The following CNTNAP5 variants were observed in gnomAD, a reference collection of about 807,000 sequenced individuals.
The protein encoded by CNTNAP5 is contactin-associated protein-like 5.
CNTNAP5 carries 72 observed loss-of-function variants against 150.2 expected under a neutral mutation model. The ratio of observed to expected loss-of-function variants is 0.48; its 90% confidence interval spans 0.40 to 0.58. The LOEUF (loss-of-function observed/expected upper bound fraction) is 0.58. CNTNAP5 is among the 20% of genes least tolerant of loss of function. CNTNAP5 has a pLI of 0.00. For missense variants in CNTNAP5, 1,636 were observed against 1,626.2 expected, an observed-to-expected ratio of 1.01 and a Z score of -0.10; for synonymous variants, 672 against 619.8, an observed-to-expected ratio of 1.08 and a Z score of -1.25.
At chr2:124,752,494 A>G (rs1339587963) in intron 14 of CNTNAP5, among the ~76,000 whole-genome samples, 1 of 152,184 alleles carries the variant, frequency 6.6e-6, no homozygotes, top group South Asian at 2.1e-4. Context: ...GGAGAGAAAA[A>G]AAAGTCATTC....
intron 10 of CNTNAP5, among the ~76,000 whole-genome samples, chr2:124,560,762 G>T (rs903892874): frequency 6.6e-6 from 1 of 152,108 alleles, no homozygotes; most frequent in Non-Finnish European, 1.5e-5. Flanking sequence ...CTCAAGGACA[G>T]CAGGGACCGA....
rs549459909 is a variant in CNTNAP5 at position 124,370,079 on chromosome 2, G to C, written c.382-47364G>C. On this transcript the variant is annotated intron_variant, in intron 3 of 23. Transcript: ENST00000682447. The stretch of plus-strand genomic sequence containing the variant: ...AAAGACAATGTATAACAAATATGTA[G>C]ATTATTCTAGAGATGCAAAATAAAT... Among the ~76,000 whole-genome samples the C allele has an allele frequency of 3.9e-5, 6 of 152,284 alleles. 1 individual carries two copies. In the East Asian group the frequency reaches 5.8e-4, roughly 15 times the overall value.
intron 19 of CNTNAP5, among the ~76,000 whole-genome samples, chr2:124,804,168 A>G (rs72980468): frequency 3.3e-5 from 5 of 152,198 alleles, no homozygotes; most frequent in East Asian, 1.9e-4. Flanking sequence ...TTCATCATCC[A>G]TTTCACAGTA....
intron 3 of CNTNAP5, among the ~76,000 whole-genome samples, chr2:124,406,216 C>T (rs942687842): frequency 6.6e-6 from 1 of 152,142 alleles, no homozygotes; most frequent in Non-Finnish European, 1.5e-5. Flanking sequence ...TTAACTAAGA[C>T]CTATCTTATT....
chr2:124,361,878 C>T (rs553193161), intron 3 of CNTNAP5, among the ~76,000 whole-genome samples: 3 of 152,196 alleles, frequency 2.0e-5, no homozygotes, highest in Non-Finnish European at 4.4e-5. Context: ...CTAAGCAAGC[C>T]TGGGCAATGG....
Position 124,430,389 on chromosome 2 carries a change from C to T in CNTNAP5, c.530-4095C>T, listed in dbSNP as rs541617523. Among the ~76,000 whole-genome samples, 6 of 152,130 alleles carry T rather than the reference C, an allele frequency of 3.9e-5. No homozygotes were observed. In the East Asian group the frequency reaches 1.2e-3, roughly 29 times the overall value. On this transcript the variant is annotated intron_variant, in intron 4 of 23. Coordinates refer to ENST00000682447, the MANE Select transcript of CNTNAP5 (RefSeq NM_001367498.1). The stretch of plus-strand genomic sequence containing the variant: ...TGATGTGTTTAAATGAGTTCCTGTG[C>T]AAAAAAACATCTAGAGAATTGCAGG...
chr2:124,375,358 T>C (rs749909753), intron 3 of CNTNAP5, among the ~76,000 whole-genome samples: 13 of 152,192 alleles, frequency 8.5e-5, no homozygotes, highest in Non-Finnish European at 1.8e-4. Flanking sequence ...ATCATGATTC[T>C]CTTAAATGAT....
intron 2 of CNTNAP5, among the ~76,000 whole-genome samples, chr2:124,225,225 G>T (rs1264397467): frequency 2.0e-5 from 3 of 152,064 alleles, no homozygotes; most frequent in East Asian, 3.9e-4. Context: ...TCAATGTTCT[G>T]AGCCCTTAAG....
At chr2:124,527,225 C>T (rs781488471) in intron 9 of CNTNAP5, 60 bp from the exon 10 acceptor site, 40 of 1,485,120 alleles carry the variant, frequency 2.7e-5, no homozygotes, top group East Asian at 1.8e-4. Flanking sequence ...ATCAATAGGT[C>T]GCCAAAGCAA....
intron 7 of CNTNAP5, among the ~76,000 whole-genome samples, chr2:124,480,224 A>G (rs901519719): frequency 4.6e-5 from 7 of 152,212 alleles, no homozygotes; most frequent in African/African-American, 1.7e-4. Flanking sequence ...ATTTGAGAAA[A>G]TTTGATGAAA....
Position 124,490,937 on chromosome 2 carries a change from TAGAC to T in CNTNAP5, c.1063-13352_1063-13349del, listed in dbSNP as rs1380612122. On this transcript the variant is annotated intron_variant, in intron 7 of 23. Coordinates refer to ENST00000682447, the MANE Select transcript of CNTNAP5 (RefSeq NM_001367498.1). Reference sequence around the variant, plus strand: ...TATGTGGTATGCATTATATTTCTATTAGACAGCATTGACCTGGGATATCACCCCA... The same window carrying T: ...TATGTGGTATGCATTATATTTCTATTAGCATTGACCTGGGATATCACCCCA... Among the ~76,000 whole-genome samples the T allele has an allele frequency of 7.9e-5, 12 of 152,256 alleles. No individual in the cohort carries two copies. In the East Asian group the frequency reaches 2.3e-3, roughly 29 times the overall value.
intron 21 of CNTNAP5, among the ~76,000 whole-genome samples, chr2:124,871,955 G>T (rs542482096): frequency 6.6e-6 from 1 of 151,644 alleles, no homozygotes; most frequent in East Asian, 1.9e-4. Context: ...AATTCTTCTA[G>T]ATCTAAATTA....
intron 8 of CNTNAP5, among the ~76,000 whole-genome samples, chr2:124,521,274 T>C (rs954582264): frequency 8.5e-5 from 13 of 152,296 alleles, no homozygotes; most frequent in African/African-American, 3.1e-4. Context: ...TTGAGAACTA[T>C]TGTTCTAATA....
At chr2:124,426,103 A>G (rs967280781) in intron 4 of CNTNAP5, among the ~76,000 whole-genome samples, 2 of 152,170 alleles carry the variant, frequency 1.3e-5, no homozygotes, top group Admixed American at 6.5e-5. Context: ...TGTTAGAGCT[A>G]GAATGTATTT....
At chr2:124,829,280 C>T (rs570493703) in intron 19 of CNTNAP5, among the ~76,000 whole-genome samples, 2 of 152,260 alleles carry the variant, frequency 1.3e-5, no homozygotes, top group South Asian at 4.1e-4. Flanking sequence ...CAAGATCCCC[C>T]CTTTGATCAT....
At chr2:124,202,725 G>C (rs1685759400) in intron 1 of CNTNAP5, among the ~76,000 whole-genome samples, 3 of 152,258 alleles carry the variant, frequency 2.0e-5, no homozygotes, top group African/African-American at 4.8e-5. Context: ...AGTGTTTGCA[G>C]GGGAACAGCC....
intron 21 of CNTNAP5, among the ~76,000 whole-genome samples, chr2:124,896,091 T>C (rs965110969): frequency 6.6e-6 from 1 of 151,534 alleles, no homozygotes; most frequent in African/African-American, 2.4e-5. Flanking sequence ...ATGCTGAGAA[T>C]AATGAAGAGG....
chr2:124,744,469 TA>T (rs1680564520), intron 13 of CNTNAP5, among the ~76,000 whole-genome samples: 1 of 152,148 alleles, frequency 6.6e-6, no homozygotes. Context: ...AATACTAAAT[TA>T]TATAAGCATT....
chr2:124,544,625 T>A (rs1454268441), intron 10 of CNTNAP5, among the ~76,000 whole-genome samples: 3 of 152,200 alleles, frequency 2.0e-5, no homozygotes, highest in African/African-American at 7.2e-5. Flanking sequence ...AACATCTTGT[T>A]ACTATTGGTA....
Sources: gnomAD v4.1 joint callset for allele counts (sites outside exome capture counted in the v4.1 genomes callset) on GRCh38, gnomAD v4.1.1 for gene constraint, MANE v1.5 for transcripts, NCBI Gene and HGNC (gene_info 2026-07-23, HGNC 2026-07-21) for gene names.